PRKG1: variants seen among roughly 807,000 people sequenced by gnomAD.
PRKG1 encodes cGMP-dependent protein kinase 1.
Under a neutral mutation model 88.1 loss-of-function variants are expected in PRKG1, and 35 were observed. The observed-to-expected ratio is 0.40, with a 90% CI of 0.30 to 0.53. The LOEUF (loss-of-function observed/expected upper bound fraction) is 0.53, where lower values mean the gene tolerates loss of function less well. PRKG1 is among the 20% of genes least tolerant of loss of function. PRKG1 has a pLI of 0.59. For missense variants in PRKG1, 540 were observed against 839.8 expected, an observed-to-expected ratio of 0.64 and a Z score of 4.41; for synonymous variants, 303 against 292.5, an observed-to-expected ratio of 1.04 and a Z score of -0.37.
chr10:51,801,736 G>A (rs1181019247), intron 3 of PRKG1, among the ~76,000 whole-genome samples: 2 of 151,992 alleles, frequency 1.3e-5, no homozygotes, highest in African/African-American at 2.4e-5. Context: ...TGTAATCTTG[G>A]TGTCCCCTAA....
intron 2 of PRKG1, among the ~76,000 whole-genome samples, chr10:51,229,453 G>A (rs1025512632): frequency 6.6e-6 from 1 of 152,132 alleles, no homozygotes; most frequent in African/African-American, 2.4e-5. Flanking sequence ...GTCACTTTAA[G>A]GTTTTAAGAA....
chr10:51,097,304 CT>C (rs1844553762), intron 1 of PRKG1, among the ~76,000 whole-genome samples: 1 of 152,140 alleles, frequency 6.6e-6, no homozygotes, highest in Non-Finnish European at 1.5e-5. Flanking sequence ...CTCACTGCAA[CT>C]TCCGCCCCCT....
chr10:51,983,106 G>A (rs1844056107), intron 5 of PRKG1, among the ~76,000 whole-genome samples: 1 of 152,120 alleles, frequency 6.6e-6, no homozygotes, highest in South Asian at 2.1e-4. Flanking sequence ...TTGGTCGGCT[G>A]TTCTCTGTGC....
At chr10:51,868,957 G>A (rs1324640300) in intron 4 of PRKG1, among the ~76,000 whole-genome samples, 16 of 152,180 alleles carry the variant, frequency 1.1e-4, no homozygotes, top group Admixed American at 1.0e-3. Flanking sequence ...TAATTTAAAT[G>A]TGCTTAGGGC....
chr10:51,329,252 G>T (rs943532248), intron 2 of PRKG1, among the ~76,000 whole-genome samples: 4 of 152,116 alleles, frequency 2.6e-5, no homozygotes, highest in African/African-American at 9.7e-5. Context: ...TATGATGTGA[G>T]ATAAGGGTCT....
In PRKG1 at chr10:51,275,479, GGTGAGTTGGGTGCAAAGGGA is replaced by G. The variant is rs1216779875; in HGVS notation, c.478+122153_478+122172del. On this transcript the variant is annotated intron_variant, in intron 2 of 17. Coordinates refer to ENST00000373980, the MANE Select transcript of PRKG1 (RefSeq NM_006258.4). ...TTCATAATGTATTTCCTCATAGCGT[GGTGAGTTGGGTGCAAAGGGA>G]GTGCGTTTAAGGCTGGTAAGTCAAG... Among the ~76,000 whole-genome samples, 20 of 152,272 alleles carry G rather than the reference GGTGAGTTGGGTGCAAAGGGA, an allele frequency of 1.3e-4. No homozygotes were observed. The East Asian group carries it at 3.8e-3, about 29-fold the overall frequency.
chr10:51,401,643 C>T (rs1837742369), intron 2 of PRKG1, among the ~76,000 whole-genome samples: 1 of 152,024 alleles, frequency 6.6e-6, no homozygotes, highest in Non-Finnish European at 1.5e-5. Context: ...ACTTACTTTT[C>T]ATCTTATCCT....
intron 4 of PRKG1, among the ~76,000 whole-genome samples, chr10:51,905,347 G>A (rs1358541365): frequency 6.6e-6 from 1 of 152,076 alleles, no homozygotes; most frequent in East Asian, 1.9e-4. Flanking sequence ...CTAAGTAATG[G>A]AAATCAAAGT....
At chr10:51,559,706 G>A (rs542887506) in intron 3 of PRKG1, among the ~76,000 whole-genome samples, 1 of 152,020 alleles carries the variant, frequency 6.6e-6, no homozygotes, top group East Asian at 1.9e-4. Context: ...TTCTTAAATC[G>A]GTTGTTGTTA....
At chr10:51,372,820 G>A (rs987646411) in intron 2 of PRKG1, among the ~76,000 whole-genome samples, 8 of 151,986 alleles carry the variant, frequency 5.3e-5, no homozygotes, top group Admixed American at 1.3e-4. Flanking sequence ...TATAAATATG[G>A]TGGTTTAAAT....
intron 17 of PRKG1, among the ~76,000 whole-genome samples, chr10:52,293,353 T>C (rs560566208): frequency 4.4e-4 from 66 of 151,426 alleles, no homozygotes; most frequent in African/African-American, 1.5e-3. Context: ...AATTTATAGA[T>C]TCAATGCCAT....
chr10:51,664,805 A>G (rs147973008), intron 3 of PRKG1, among the ~76,000 whole-genome samples: 5 of 152,316 alleles, frequency 3.3e-5, no homozygotes, highest in South Asian at 2.1e-4. Context: ...TTTTAAATGA[A>G]GAAGATAGTA....
intron 7 of PRKG1, among the ~76,000 whole-genome samples, chr10:52,098,398 T>C (rs1485933347): frequency 6.6e-6 from 1 of 152,164 alleles, no homozygotes; most frequent in Admixed American, 6.6e-5. Context: ...ATGGCTGATT[T>C]ATAGCAATAA....
chr10:51,695,420 G>A (rs1478091922), intron 3 of PRKG1: 3 of 152,106 alleles, frequency 2.0e-5, no homozygotes, highest in Non-Finnish European at 4.4e-5. Context: ...CAGGCCCCAT[G>A]TATATCCAGA....
intron 5 of PRKG1, among the ~76,000 whole-genome samples, chr10:51,931,137 A>T (rs1443767175): frequency 6.6e-6 from 1 of 152,158 alleles, no homozygotes; most frequent in Non-Finnish European, 1.5e-5. Context: ...TTGGTCCATT[A>T]TGGAACTGAA....
intron 5 of PRKG1, among the ~76,000 whole-genome samples, chr10:52,034,670 G>T (rs2133216247): frequency 6.6e-6 from 1 of 151,522 alleles, no homozygotes; most frequent in East Asian, 2.0e-4. Flanking sequence ...AGCTGTGATG[G>T]CATGGAAAAA....
chr10:52,037,221 C>T (rs1265865391), intron 5 of PRKG1, among the ~76,000 whole-genome samples: 14 of 151,924 alleles, frequency 9.2e-5, no homozygotes, highest in Middle Eastern at 3.4e-3. Flanking sequence ...ATTTCTGGCA[C>T]ATGTAGCAAG....
At chr10:51,139,015 C>T (rs957598003) in intron 1 of PRKG1, among the ~76,000 whole-genome samples, 1 of 151,970 alleles carries the variant, frequency 6.6e-6, no homozygotes, top group African/African-American at 2.4e-5. Context: ...ACCTACTCTC[C>T]GTGTAAACTT....
rs1329775053 is a variant in PRKG1 at position 52,166,809 on chromosome 10, G to GTATA, written c.1076+4852_1076+4855dup. Among the ~76,000 whole-genome samples, 31 of 70,200 alleles carry GTATA rather than the reference G, an allele frequency of 4.4e-4. 2 individuals carry two copies. The highest frequency in any genetic ancestry group is 2.0e-3 in the African/African-American group (18 of 9,060). The allele number at this position is 70,200 out of a possible 152,430, so 46.1% of individuals were successfully genotyped here. On this transcript the variant is annotated intron_variant, in intron 9 of 17. Coordinates refer to ENST00000373980, the MANE Select transcript of PRKG1 (RefSeq NM_006258.4). Reference sequence around the variant, plus strand: ...AGCCTATATATATACATATATATATGTATATATATGTATATATATGTATAT... The same window carrying GTATA: ...AGCCTATATATATACATATATATATGTATATATATATATGTATATATATGTATAT...
Sources: allele counts gnomAD v4.1 joint callset (sites outside exome capture counted in the v4.1 genomes callset), GRCh38; gene constraint gnomAD v4.1.1; transcripts MANE v1.5; gene names NCBI Gene and HGNC (gene_info 2026-07-23, HGNC 2026-07-21).